AGBL1: variants seen among roughly 807,000 people sequenced by gnomAD.
AGBL1 encodes the protein cytosolic carboxypeptidase 4.
In AGBL1, 130 loss-of-function variants were observed where a neutral mutation model predicts 118.9. The observed-to-expected ratio is 1.09, with a 90% CI of 0.95 to 1.26. The LOEUF is 1.26. Among genes scored for constraint, AGBL1 ranks in the 50% most tolerant of loss-of-function variants. AGBL1 has a pLI of 0.00. For missense variants in AGBL1, 1,584 were observed against 1,298.1 expected, an observed-to-expected ratio of 1.22 and a Z score of -3.38; for synonymous variants, 555 against 478.9, an observed-to-expected ratio of 1.16 and a Z score of -2.08.
chr15:86,813,706 GA>G (rs1336856165), intron 22 of AGBL1, among the ~76,000 whole-genome samples: 1 of 152,146 alleles, frequency 6.6e-6, no homozygotes, highest in African/African-American at 2.4e-5. Context: ...GTCAGTTATA[GA>G]ACAGGGAATA....
intron 18 of AGBL1, among the ~76,000 whole-genome samples, chr15:86,521,609 C>T (rs927551132): frequency 1.3e-5 from 2 of 152,112 alleles, no homozygotes; most frequent in Admixed American, 6.5e-5. Context: ...GATTGATCCC[C>T]TAAACGTTGA....
intron 23 of AGBL1, among the ~76,000 whole-genome samples, chr15:86,937,345 A>G (rs891459097): frequency 1.3e-4 from 20 of 152,234 alleles, no homozygotes; most frequent in African/African-American, 4.8e-4. Context: ...ATAAAGACAT[A>G]AGCACACAAA....
At chr15:86,659,801 G>C (rs1403390675) in intron 21 of AGBL1, among the ~76,000 whole-genome samples, 1 of 152,170 alleles carries the variant, frequency 6.6e-6, no homozygotes, top group African/African-American at 2.4e-5. Flanking sequence ...CTGCTAACAA[G>C]TGTTTTGCCT....
intron 24 of AGBL1, among the ~76,000 whole-genome samples, chr15:86,999,175 G>T (rs2081409402): frequency 6.7e-6 from 1 of 149,194 alleles, no homozygotes; most frequent in East Asian, 2.0e-4. Flanking sequence ...CCCTACAAAA[G>T]ACATGAACTC....
rs145689306 is a variant in AGBL1 at position 86,555,946 on chromosome 15, T to G, written c.2994+1409T>G. 2.6e-5 allele frequency among the ~76,000 whole-genome samples: 4 copies of G among 152,312 alleles called. No homozygotes were observed. The East Asian group carries it at 7.7e-4, about 29-fold the overall frequency. ...TAAATATTGTGACTTTAAGGCCTTA[T>G]GGACATAGGTTTGTGTCTCTCTCTG... On this transcript the variant is annotated intron_variant, in intron 21 of 22. Coordinates refer to ENST00000614907, the MANE Select transcript of AGBL1 (RefSeq NM_001386094.1).
At chr15:86,681,029 T>C (rs893209487) in intron 22 of AGBL1, among the ~76,000 whole-genome samples, 1 of 152,188 alleles carries the variant, frequency 6.6e-6, no homozygotes, top group Non-Finnish European at 1.5e-5. Flanking sequence ...AATATGAACA[T>C]TCTATTCTCT....
At chr15:86,543,250 A>G (rs925442735) in intron 19 of AGBL1, among the ~76,000 whole-genome samples, 1 of 151,450 alleles carries the variant, frequency 6.6e-6, no homozygotes, top group Admixed American at 6.6e-5. Context: ...CCTTGAGATA[A>G]CATACTGCTT....
At chr15:86,740,553 G>A (rs1287276644) in intron 22 of AGBL1, among the ~76,000 whole-genome samples, 1 of 152,176 alleles carries the variant, frequency 6.6e-6, no homozygotes, top group Non-Finnish European at 1.5e-5. Flanking sequence ...TCTAATTGGG[G>A]ACATAAGACT....
rs188076034 is a variant in AGBL1 at position 86,784,277 on chromosome 15, C to A, written c.3158+109841C>A. On this transcript the variant is annotated intron_variant, in intron 22 of 22. Coordinates refer to ENST00000614907, the MANE Select transcript of AGBL1 (RefSeq NM_001386094.1). ...AAAGTCCTGTTCCCCACAGAGGCAACCTACTGATGGAATTCAGGAAAAATA... is the reference window on the plus strand; with the variant it reads ...AAAGTCCTGTTCCCCACAGAGGCAAACTACTGATGGAATTCAGGAAAAATA... Among the ~76,000 whole-genome samples, 343 of 152,196 alleles carry A rather than the reference C, an allele frequency of 2.3e-3. 1 individual carries two copies. The highest frequency in any genetic ancestry group is 4.3e-3 in the Non-Finnish European group (294 of 68,016).
intron 1 of AGBL1, among the ~76,000 whole-genome samples, chr15:86,111,991 T>C (rs1185611565): frequency 6.6e-6 from 1 of 152,180 alleles, no homozygotes; most frequent in East Asian, 1.9e-4. Context: ...TCTCTCCTTA[T>C]GAGAATCTAA....
At chr15:86,382,027 T>C (rs887640145) in intron 17 of AGBL1, among the ~76,000 whole-genome samples, 15 of 152,312 alleles carry the variant, frequency 9.8e-5, no homozygotes, top group Admixed American at 5.2e-4. Flanking sequence ...AGTAACGCTC[T>C]GGGTGCCAGG....
intron 22 of AGBL1, among the ~76,000 whole-genome samples, chr15:86,721,230 C>A (rs1253653794): frequency 1.3e-5 from 2 of 152,164 alleles, no homozygotes; most frequent in African/African-American, 4.8e-5. Flanking sequence ...TCCTGATGAA[C>A]ATCGATGCAA....
At chr15:86,360,864 A>G (rs1426392222) in intron 17 of AGBL1, among the ~76,000 whole-genome samples, 1 of 151,930 alleles carries the variant, frequency 6.6e-6, no homozygotes, top group African/African-American at 2.4e-5. Context: ...ATCTACTGTA[A>G]TGTCACCTTT....
At chr15:86,809,883 G>A (rs947381512) in intron 22 of AGBL1, among the ~76,000 whole-genome samples, 2 of 152,050 alleles carry the variant, frequency 1.3e-5, no homozygotes, top group African/African-American at 2.4e-5. Context: ...TTCTTGATGT[G>A]AGTTTTATAT....
chr15:86,659,901 A>G (rs971959493), intron 21 of AGBL1, among the ~76,000 whole-genome samples: 9 of 152,194 alleles, frequency 5.9e-5, no homozygotes, highest in Admixed American at 6.5e-5. Context: ...TGCCAGGGCA[A>G]TTACAGTCTG....
At chr15:86,412,750 A>T (rs1319443119) in intron 18 of AGBL1, among the ~76,000 whole-genome samples, 3 of 152,150 alleles carry the variant, frequency 2.0e-5, no homozygotes, top group Admixed American at 6.6e-5. Flanking sequence ...TTACTACAAC[A>T]CTTCTTCCCT....
intron 1 of AGBL1, among the ~76,000 whole-genome samples, chr15:86,130,327 TTTATTA>T (rs1029321216): frequency 1.4e-4 from 21 of 152,228 alleles, no homozygotes; most frequent in Admixed American, 1.4e-3. Flanking sequence ...TTTTTTAAAT[TTTATTA>T]TTATTATACG....
chr15:86,410,839 T>TATATATATATATAA lies in AGBL1; in HGVS notation c.2555+13296_2555+13297insTATATATATAAATA, dbSNP rs1311325970. ...ATATATATATATATATATATATATA[T>TATATATATATATAA]ATAATATACTATTTTATATATAAAA... On this transcript the variant is annotated intron_variant, in intron 18 of 22. Coordinates refer to ENST00000614907, the MANE Select transcript of AGBL1 (RefSeq NM_001386094.1). 2.9e-4 allele frequency among the ~76,000 whole-genome samples: 20 copies of TATATATATATATAA among 68,154 alleles called. No individual in the cohort carries two copies. The East Asian group carries it at 5.0e-3, about 17-fold the overall frequency. The allele number at this position is 68,154 out of a possible 152,430, so 44.7% of individuals were successfully genotyped here.
intron 15 of AGBL1, among the ~76,000 whole-genome samples, chr15:86,279,144 T>A (rs2079306095): frequency 1.3e-5 from 2 of 152,230 alleles, no homozygotes; most frequent in Non-Finnish European, 2.9e-5. Flanking sequence ...ATATGTTAAA[T>A]GTTGAATTGG....
Sources: gnomAD v4.1 joint callset for allele counts (sites outside exome capture counted in the v4.1 genomes callset) on GRCh38, gnomAD v4.1.1 for gene constraint, MANE v1.5 for transcripts, NCBI Gene and HGNC (gene_info 2026-07-23, HGNC 2026-07-21) for gene names.